The following MTHFD1 variants were observed in gnomAD, a reference collection of about 807,000 sequenced individuals.
The protein encoded by MTHFD1 is C-1-tetrahydrofolate synthase, cytoplasmic.
MTHFD1 carries 44 observed loss-of-function variants against 110.3 expected under a neutral mutation model. The ratio of observed to expected loss-of-function variants is 0.40; its 90% CI spans 0.31 to 0.51. The LOEUF is 0.51. Ranked by LOEUF, MTHFD1 falls within the 20% of genes least tolerant of loss-of-function variation. The pLI is 0.60. For synonymous variants in MTHFD1, 402 were observed against 428.8 expected (o/e 0.94, Z 0.77); for missense variants, 909 against 1,173.1 (o/e 0.77, Z 3.29).
At chr14:64,397,190 T>C (rs1428869967) in intron 1 of MTHFD1, among the ~76,000 whole-genome samples, 1 of 5,202 alleles carries the variant, frequency 1.9e-4, no homozygotes, top group African/African-American at 9.8e-4. Context: ...TATATATATA[T>C]AAAAAACAGT....
chr14:64,396,578 T>G (rs963367366), intron 1 of MTHFD1, among the ~76,000 whole-genome samples: 5 of 139,054 alleles, frequency 3.6e-5, no homozygotes, highest in African/African-American at 5.2e-5. Flanking sequence ...TTTTTTTTTG[T>G]ATTTTTAGTA....
rs149382367 is a variant in MTHFD1, at chr14:64,417,583, G to A, written c.479-305G>A. On this transcript the variant is annotated intron_variant, in intron 6 of 27. Coordinates refer to ENST00000652337, the MANE Select transcript of MTHFD1 (RefSeq NM_005956.4). The surrounding 1 kb of genome is among the most constrained non-coding windows in gnomAD (Gnocchi z 4.4). Reference sequence around the variant, plus strand: ...TCTTCTTCCGTATGGCTGATTAGCTGTATGTCAGGGTTTCTTTTTTCTTTG... The same window carrying A: ...TCTTCTTCCGTATGGCTGATTAGCTATATGTCAGGGTTTCTTTTTTCTTTG... Among the ~76,000 whole-genome samples the A allele has an allele frequency of 1.9e-3, 292 of 152,252 alleles. 1 individual carries two copies. Among genetic ancestry groups the A allele is most frequent in the South Asian group, 9.3e-3 (45 of 4,820 alleles).
rs73277944 is a variant in MTHFD1, at chr14:64,409,354, T to C, written c.127-1736T>C. Among the ~76,000 whole-genome samples the C allele has an allele frequency of 6.9e-3, 1,048 of 152,336 alleles. 13 individuals are homozygous for C. The highest frequency in any genetic ancestry group is 0.023 in the African/African-American group (968 of 41,580). On this transcript the variant is annotated intron_variant, in intron 2 of 27. Transcript: ENST00000652337. The stretch of plus-strand genomic sequence containing the variant: ...GACTTATAAGTTACATTTCACTTAC[T>C]TGAAACATGAATGAAGATAAATTCT...
chr14:64,455,613 A>C (rs956083550), intron 26 of MTHFD1, among the ~76,000 whole-genome samples: 1 of 152,228 alleles, frequency 6.6e-6, no homozygotes, highest in African/African-American at 2.4e-5. Flanking sequence ...ACTGCCATGC[A>C]ATACAGGACT....
Position 64,400,885 on chromosome 14 carries a change from GA to G in MTHFD1, c.126+9del. 1 of 1,581,118 alleles carries G rather than the reference GA, an allele frequency of 6.3e-7. No individual in the cohort carries two copies. Among genetic ancestry groups the G allele is most frequent in the Non-Finnish European group, 8.7e-7 (1 of 1,150,822 alleles). Reference sequence around the variant, plus strand: ...CGCCTGGCAATATTACAGGTATTATGATAGTGTATTTTCATTAATGTTGTCT... The same window carrying G: ...CGCCTGGCAATATTACAGGTATTATGTAGTGTATTTTCATTAATGTTGTCT... On this transcript the variant is annotated intron_variant, in intron 2 of 27. Coordinates refer to ENST00000652337, the MANE Select transcript of MTHFD1 (RefSeq NM_005956.4).
In MTHFD1 at chr14:64,388,569, C is replaced by T. The variant is rs1261882305; in HGVS notation, c.41+101C>T. The T allele has an allele frequency of 4.6e-6, 5 of 1,082,180 alleles. No individual in the cohort carries two copies. The East Asian group carries it at 1.2e-4, about 26-fold the overall frequency. The allele number at this position is 1,082,180 out of a possible 1,614,324, so 67.0% of individuals were successfully genotyped here. A position where few individuals can be genotyped will look rare whatever the true frequency, so the allele number is the denominator to read the frequency against. On this transcript the variant is annotated intron_variant, in intron 1 of 27. Transcript: ENST00000652337. Reference sequence around the variant, plus strand: ...TTTTTTGCGGGAGGGACACTTGTAGCGGAAGAGTTAGGCCCATAACACCTG... The same window carrying T: ...TTTTTTGCGGGAGGGACACTTGTAGTGGAAGAGTTAGGCCCATAACACCTG...
At chr14:64,401,589 G>C (rs2077897407) in intron 2 of MTHFD1, among the ~76,000 whole-genome samples, 1 of 151,642 alleles carries the variant, frequency 6.6e-6, no homozygotes, top group Admixed American at 6.6e-5. Flanking sequence ...TGTAATCCCA[G>C]CTACTCTGGA....
intron 1 of MTHFD1, among the ~76,000 whole-genome samples, chr14:64,391,527 T>C (rs2077805366): frequency 6.6e-6 from 1 of 152,200 alleles, no homozygotes; most frequent in Non-Finnish European, 1.5e-5. Flanking sequence ...CTGCTGAGAA[T>C]GCTATCCCTG....
At chr14:64,445,382 C>T (rs1353568286) in intron 22 of MTHFD1, among the ~76,000 whole-genome samples, 1 of 152,152 alleles carries the variant, frequency 6.6e-6, no homozygotes, top group African/African-American at 2.4e-5. Context: ...TAGCATCAAA[C>T]AGGAGGCTAG....
chr14:64,418,143 G>GA, intron 7 of MTHFD1, 119 bp downstream of exon 7: 1 of 1,342,674 alleles, frequency 7.4e-7, no homozygotes, highest in Non-Finnish European at 1.0e-6. Flanking sequence ...TTTACAAGAT[G>GA]AAAAAACAAA....
At chr14:64,433,713 C>CTTTTTT (rs1270622250) in intron 15 of MTHFD1, among the ~76,000 whole-genome samples, 6 of 133,254 alleles carry the variant, frequency 4.5e-5, no homozygotes, top group Admixed American at 7.5e-5. Flanking sequence ...CTGAGCTCAG[C>CTTTTTT]ATTTTTTTTT....
intron 18 of MTHFD1, chr14:64,440,685 G>T: frequency 3.5e-6 from 1 of 284,538 alleles, no homozygotes; most frequent in East Asian, 9.2e-5. Context: ...TTTCAGCTTT[G>T]GAAGACACAT....
intron 4 of MTHFD1, 77 bp from the exon 5 acceptor site, chr14:64,415,281 T>C: frequency 7.6e-7 from 1 of 1,315,190 alleles, no homozygotes; most frequent in Non-Finnish European, 1.1e-6. Context: ...GGCAACCTAA[T>C]TTTTGCCTTA....
chr14:64,445,291 C>T (rs184420464), intron 22 of MTHFD1, among the ~76,000 whole-genome samples: 6 of 152,194 alleles, frequency 3.9e-5, no homozygotes, highest in African/African-American at 1.4e-4. Context: ...TCTCCTCTGC[C>T]GATTTAAATC....
chr14:64,397,138 AATATATATATATATATATATATAT>A (rs1182197415), intron 1 of MTHFD1, among the ~76,000 whole-genome samples: 5 of 11,942 alleles, frequency 4.2e-4, no homozygotes, highest in East Asian at 5.2e-3. Context: ...AAAAAAAAAA[AATATATATATATATATATATATAT>A]ATATATATAT....
rs74456107 is a variant in MTHFD1, at chr14:64,399,014, T to C, written c.42-1779T>C. Reference sequence around the variant, plus strand: ...ACTGCAGGAGGTTATACTTTTAGCCTTGTGTTAAATTCTTTGTAAAGAAAA... The same window carrying C: ...ACTGCAGGAGGTTATACTTTTAGCCCTGTGTTAAATTCTTTGTAAAGAAAA... On this transcript the variant is annotated intron_variant, in intron 1 of 27. Transcript: ENST00000652337. Among the ~76,000 whole-genome samples, 310 of 152,350 alleles carry C rather than the reference T, an allele frequency of 2.0e-3. 4 individuals are homozygous for C. The East Asian group carries it at 0.022, about 11-fold the overall frequency.
chr14:64,455,119 CT>C (rs1345063013), intron 26 of MTHFD1: 6 of 494,094 alleles, frequency 1.2e-5, no homozygotes, highest in African/African-American at 1.2e-4. Context: ...ATAAAAAATT[CT>C]GTTTCCCAGG....
chr14:64,410,657 C>A (rs530154230), intron 2 of MTHFD1, among the ~76,000 whole-genome samples: 2 of 152,258 alleles, frequency 1.3e-5, no homozygotes, highest in East Asian at 3.9e-4. Context: ...TTCCATTGCC[C>A]CTGCGGGTGG....
At chr14:64,456,090 TTTC>T (rs1406532490) in intron 26 of MTHFD1, among the ~76,000 whole-genome samples, 1 of 152,222 alleles carries the variant, frequency 6.6e-6, no homozygotes, top group Non-Finnish European at 1.5e-5. Flanking sequence ...AGCTGTACTC[TTTC>T]TTGTCACTTT....
Sources: gnomAD v4.1 joint callset for allele counts (sites outside exome capture counted in the v4.1 genomes callset) on GRCh38, gnomAD v4.1.1 for gene constraint, Gnocchi (gnomAD v3.1) non-coding constraint, MANE v1.5 for transcripts, NCBI Gene and HGNC (gene_info 2026-07-23, HGNC 2026-07-21) for gene names.